Variants in VAMP4 observed in about 807,000 individuals in gnomAD.
VAMP4 encodes vesicle associated membrane protein 4.
VAMP4 carries 19 observed loss-of-function variants against 23.5 expected under a neutral mutation model. The observed-to-expected ratio is 0.81, with a 90% CI of 0.56 to 1.19. VAMP4 has a LOEUF of 1.19. Ranked by LOEUF, VAMP4 falls within the 50% of genes most tolerant of loss-of-function variation. VAMP4 has a pLI of 0.00. For synonymous variants in VAMP4, 31 were observed against 51.0 expected (o/e 0.61, Z 1.67); for missense variants, 145 against 168.6 (o/e 0.86, Z 0.78).
chr1:171,725,863 G>A (rs924349450), intron 3 of VAMP4, among the ~76,000 whole-genome samples: 2 of 151,786 alleles, frequency 1.3e-5, no homozygotes, highest in African/African-American at 2.4e-5. Context: ...GCTAATTTTT[G>A]TATTTTCAGC....
At chr1:171,718,447 C>A (rs1404388310) in intron 4 of VAMP4, among the ~76,000 whole-genome samples, 2 of 152,134 alleles carry the variant, frequency 1.3e-5, no homozygotes, top group African/African-American at 4.8e-5. Context: ...AAGTGACTCA[C>A]TGCTCTGTCT....
intron 3 of VAMP4, among the ~76,000 whole-genome samples, chr1:171,725,979 T>C (rs547368108): frequency 1.1e-3 from 165 of 146,240 alleles, no homozygotes; most frequent in Non-Finnish European, 1.8e-3. Context: ...TGAGCCACTG[T>C]GCCTGGCCAG....
intron 6 of VAMP4, among the ~76,000 whole-genome samples, chr1:171,706,653 G>C (rs1558105166): frequency 6.6e-6 from 1 of 151,854 alleles, no homozygotes; most frequent in Non-Finnish European, 1.5e-5. Flanking sequence ...GAAAGTAAGG[G>C]GAGAAAAAAC....
intron 3 of VAMP4, among the ~76,000 whole-genome samples, chr1:171,724,210 A>C (rs931378395): frequency 6.6e-6 from 1 of 151,884 alleles, no homozygotes; most frequent in Non-Finnish European, 1.5e-5. Context: ...ATTCTGAGCA[A>C]ACTATCGCAA....
At chr1:171,728,980 G>T (rs187240733) in intron 2 of VAMP4, among the ~76,000 whole-genome samples, 9 of 152,316 alleles carry the variant, frequency 5.9e-5, no homozygotes, top group Admixed American at 5.2e-4. Flanking sequence ...GAAGAGTATA[G>T]AGGGAGTTTG....
chr1:171,706,526 G>C, intron 6 of VAMP4, 108 bp from the exon 7 acceptor site: 1 of 1,055,842 alleles, frequency 9.5e-7, no homozygotes, highest in South Asian at 2.3e-5. Flanking sequence ...ATCACCTTAA[G>C]GTTTCTTAAC....
In VAMP4 at chr1:171,717,828, T is replaced by C. The variant is rs892888006; in HGVS notation, c.164+1343A>G. 2.6e-5 allele frequency among the ~76,000 whole-genome samples: 4 copies of C among 152,256 alleles called. No individual in the cohort carries two copies. The South Asian group carries it at 6.2e-4, about 24-fold the overall frequency. On this transcript the variant is annotated intron_variant, in intron 4 of 7. Transcript: ENST00000236192. ...GCTACTCTTCCTTTTACTATATAAG[T>C]AATAAATTGCATCTAAAAGTGGCTT...
chr1:171,721,906 T>C (rs1655205126), intron 3 of VAMP4, among the ~76,000 whole-genome samples: 1 of 152,110 alleles, frequency 6.6e-6, no homozygotes, highest in Admixed American at 6.6e-5. Flanking sequence ...AAAAACTACT[T>C]TAAAGTTCAT....
chr1:171,722,579 T>C (rs1322813815), intron 3 of VAMP4, among the ~76,000 whole-genome samples: 1 of 151,792 alleles, frequency 6.6e-6, no homozygotes, highest in Non-Finnish European at 1.5e-5. Flanking sequence ...AACAACCCCA[T>C]CAAAAAGTGG....
intron 2 of VAMP4, among the ~76,000 whole-genome samples, chr1:171,733,414 C>T (rs1031401515): frequency 1.3e-5 from 2 of 151,670 alleles, no homozygotes; most frequent in South Asian, 2.1e-4. Context: ...GAACCCTGAT[C>T]GTGCCACTGC....
chr1:171,721,288 G>C (rs1022477709), intron 3 of VAMP4, among the ~76,000 whole-genome samples: 3 of 152,078 alleles, frequency 2.0e-5, no homozygotes. Flanking sequence ...ACTCAATATT[G>C]TGCTGGATGT....
At chr1:171,735,909 T>C (rs1655726746) in intron 2 of VAMP4, among the ~76,000 whole-genome samples, 1 of 152,016 alleles carries the variant, frequency 6.6e-6, no homozygotes, top group Non-Finnish European at 1.5e-5. Context: ...CTTTCTGAGA[T>C]GGAATTTCAC....
rs958017164 is a variant in VAMP4 at position 171,738,256 on chromosome 1, C to G, written c.66+93G>C. 5.7e-5 allele frequency: 82 copies of G among 1,438,470 alleles called. 1 individual carries two copies. In the African/African-American group the frequency reaches 1.1e-3, roughly 19 times the overall value. 89.1% of individuals were successfully genotyped at this position (1,438,470 alleles called of 1,614,324 possible). On this transcript the variant is annotated intron_variant, in intron 2 of 7. Transcript: ENST00000236192. ...GTGCGGCGATTGCAGGCATGAGCAA[C>G]CACGCCCGGATGGTTTTTCTTCTAT...
At chr1:171,737,400 C>G (rs970597166) in intron 2 of VAMP4, among the ~76,000 whole-genome samples, 1 of 152,100 alleles carries the variant, frequency 6.6e-6, no homozygotes, top group Non-Finnish European at 1.5e-5. Context: ...AAAATGTTGT[C>G]TTTTAAATGC....
chr1:171,701,365 A>G lies in VAMP4; in HGVS notation c.*3141T>C, dbSNP rs1165379874. On this transcript the variant is annotated 3_prime_UTR_variant, in exon 8 of 8. Transcript: ENST00000236192. ...TTAACATGGAAAAACAATTTCTTGC[A>G]TATTTTCTAATCATAGTGTATATAC... 6.6e-6 allele frequency: 1 copy of G among 152,214 alleles called. No individual in the cohort carries two copies. Among genetic ancestry groups the G allele is most frequent in the Non-Finnish European group, 1.5e-5 (1 of 68,026 alleles). 9.4% of individuals were successfully genotyped at this position (152,214 alleles called of 1,614,324 possible). A position where few individuals can be genotyped will look rare whatever the true frequency, so the allele number is the denominator to read the frequency against.
chr1:171,714,234 C>T (rs938805325), intron 4 of VAMP4, among the ~76,000 whole-genome samples: 2 of 152,110 alleles, frequency 1.3e-5, no homozygotes, highest in African/African-American at 4.8e-5. Flanking sequence ...GTTTGGTTTA[C>T]AAAGCAAGTG....
chr1:171,738,380 T>A lies in VAMP4; in HGVS notation c.35A>T (p.Asp12Val), dbSNP rs1476049478. The change falls in exon 2 of 8, where the codon GAT (aspartate) becomes GTT (valine). Residue 12 changes from aspartate to valine, a missense_variant. Physicochemically the swap from Asp to Val is radical, Grantham distance 152 (BLOSUM62 -3). Transcript: ENST00000236192. Reference sequence around the variant, plus strand: ...ACTTTTCACAGAACCTGTGACATCATCATCATTGAGGTGGCGCTTAAACTT... The same window carrying A: ...ACTTTTCACAGAACCTGTGACATCAACATCATTGAGGTGGCGCTTAAACTT... ...PPKFKRHLND[D>V]DVTGSVKSER... 1.9e-6 allele frequency: 3 copies of A among 1,614,218 alleles called. No individual in the cohort carries two copies. In the East Asian group the frequency reaches 6.7e-5, roughly 36 times the overall value.
intron 2 of VAMP4, among the ~76,000 whole-genome samples, chr1:171,735,763 G>C (rs1655720916): frequency 6.6e-6 from 1 of 152,186 alleles, no homozygotes; most frequent in Admixed American, 6.5e-5. Flanking sequence ...TGCATATCAA[G>C]TCTGTGTTGT....
At chr1:171,707,118 T>C (rs1654682010) in intron 6 of VAMP4, among the ~76,000 whole-genome samples, 1 of 152,144 alleles carries the variant, frequency 6.6e-6, no homozygotes, top group Non-Finnish European at 1.5e-5. Flanking sequence ...TTCATGCAAG[T>C]CCAAAGCTCT....
Sources: gnomAD v4.1 joint callset for allele counts (sites outside exome capture counted in the v4.1 genomes callset) on GRCh38, gnomAD v4.1.1 for gene constraint, MANE v1.5 for transcripts, NCBI Gene and HGNC (gene_info 2026-07-23, HGNC 2026-07-21) for gene names.